Variants in EIF4G3 observed in about 807,000 individuals in gnomAD.
The protein encoded by EIF4G3 is eIF-4-gamma 3.
In EIF4G3, 34 loss-of-function variants were observed where a neutral mutation model predicts 186.4. That is an observed-to-expected ratio of 0.18 (90% CI 0.14 to 0.24). The LOEUF (loss-of-function observed/expected upper bound fraction) is 0.24. Among genes scored for constraint, EIF4G3 ranks in the 10% least tolerant of loss-of-function variants. The pLI, the probability that EIF4G3 is intolerant of heterozygous loss-of-function variation, is 1.00. For missense variants in EIF4G3, 1,536 were observed against 1,948.5 expected (o/e 0.79, Z 3.99); for synonymous variants, 673 against 679.5 (o/e 0.99, Z 0.15).
chr1:21,163,248 C>T (rs745949637), intron 2 of EIF4G3, among the ~76,000 whole-genome samples: 3 of 152,190 alleles, frequency 2.0e-5, no homozygotes, highest in Non-Finnish European at 4.4e-5. Context: ...TTTAAATACA[C>T]TCACTCAGTC....
intron 4 of EIF4G3, among the ~76,000 whole-genome samples, chr1:21,035,634 G>GTT (rs1491580684): frequency 6.6e-6 from 1 of 152,258 alleles, no homozygotes; most frequent in African/African-American, 2.4e-5. Flanking sequence ...CAAACTTTGG[G>GTT]TGCCAAAGAC....
intron 4 of EIF4G3, among the ~76,000 whole-genome samples, chr1:21,008,521 T>G (rs1054587316): frequency 6.6e-6 from 1 of 152,108 alleles, no homozygotes; most frequent in African/African-American, 2.4e-5. Context: ...ATATTTTTAG[T>G]ACAGATGGGG....
chr1:20,909,778 AT>A (rs35293207), intron 14 of EIF4G3, among the ~76,000 whole-genome samples: 1,312 of 129,338 alleles, frequency 0.01, 2 homozygotes, highest in Non-Finnish European at 0.012. Context: ...CAATCTGCTA[AT>A]TTTTTTTTTT....
chr1:21,161,964 G>A (rs1162190691), intron 2 of EIF4G3: 1 of 147,022 alleles, frequency 6.8e-6, no homozygotes, highest in African/African-American at 2.5e-5. Context: ...ACGAAACTCT[G>A]TCTCAAAAAA....
chr1:21,036,463 C>CA (rs377231423), intron 4 of EIF4G3, among the ~76,000 whole-genome samples: 209 of 151,728 alleles, frequency 1.4e-3, no homozygotes, highest in African/African-American at 4.8e-3. Flanking sequence ...AATGTTAGTA[C>CA]AAAAAAAAGA....
Position 20,810,151 on chromosome 1 carries a change from A to G in EIF4G3, c.4744+587T>C, listed in dbSNP as rs1429447867. ...GCCACCACACCTAGCCAATTTTTGT[A>G]TTTTTGTATTTTTTTTTTTTTTGAG... On this transcript the variant is annotated intron_variant, in intron 36 of 36. Transcript: ENST00000602326. This position sits in a 1 kb window ranked among gnomAD's most constrained non-coding sequence, Gnocchi z 4.1. Among the ~76,000 whole-genome samples the G allele has an allele frequency of 6.7e-6, 1 of 148,722 alleles. No homozygotes were observed. Among genetic ancestry groups the G allele is most frequent in the Non-Finnish European group, 1.5e-5 (1 of 67,298 alleles).
In EIF4G3 at chr1:20,870,808, T is replaced by A. The variant is rs113443294; in HGVS notation, c.2623-5546A>T. On this transcript the variant is annotated intron_variant, in intron 20 of 36. Coordinates refer to ENST00000602326, the MANE Select transcript of EIF4G3 (RefSeq NM_001391906.1). ...TGCTTTATTATTCATGAAGGGAGTCTCACAGGCCTCTTCAGTCATTTCCAG... is the reference window on the plus strand; with the variant it reads ...TGCTTTATTATTCATGAAGGGAGTCACACAGGCCTCTTCAGTCATTTCCAG... Among the ~76,000 whole-genome samples, 613 of 152,340 alleles carry A rather than the reference T, an allele frequency of 4.0e-3. 6 individuals are homozygous for A. Among genetic ancestry groups the A allele is most frequent in the African/African-American group, 0.014 (576 of 41,582 alleles).
intron 20 of EIF4G3, among the ~76,000 whole-genome samples, chr1:20,866,661 A>G (rs367949158): frequency 3.7e-4 from 56 of 152,352 alleles, no homozygotes; most frequent in East Asian, 2.5e-3. Context: ...CTTCTCTTAT[A>G]TAAGACCCAG....
intron 2 of EIF4G3, among the ~76,000 whole-genome samples, chr1:21,101,562 GA>G (rs57590306): frequency 2.8e-5 from 1 of 35,372 alleles, no homozygotes; most frequent in Non-Finnish European, 5.3e-5. Context: ...AGGGTCTCAG[GA>G]AAAAAAAAAA....
In EIF4G3 at chr1:21,176,231, T is replaced by TGCTGCC. The variant is rs1553339197; in HGVS notation, c.-329_-328insGGCAGC. On this transcript the variant is annotated 5_prime_UTR_variant, in exon 2 of 37. Transcript: ENST00000602326. ...TGTTCGGGTGAGGAGGGGGGACCGC[T>TGCTGCC]GCCGCCGCCGCCGCCGCCGCCGCCG... is the stretch of plus-strand genomic sequence containing the variant. 25 of 346,400 alleles carry TGCTGCC rather than the reference T, an allele frequency of 7.2e-5. No individual in the cohort carries two copies. The highest frequency in any genetic ancestry group is 5.1e-4 in the South Asian group (6 of 11,706). The allele number at this position is 346,400 out of a possible 1,614,324, so 21.5% of individuals were successfully genotyped here.
chr1:20,954,254 A>G (rs1429571898), intron 12 of EIF4G3, among the ~76,000 whole-genome samples: 3 of 152,116 alleles, frequency 2.0e-5, no homozygotes, highest in Non-Finnish European at 4.4e-5. Flanking sequence ...AAGCAAAACA[A>G]AGGCCAGGCA....
intron 36 of EIF4G3, among the ~76,000 whole-genome samples, chr1:20,809,837 T>C (rs189397691): frequency 1.6e-4 from 25 of 152,368 alleles, no homozygotes; most frequent in Non-Finnish European, 3.1e-4. Context: ...TGGCTCATGA[T>C]TACCATACTC....
intron 3 of EIF4G3, among the ~76,000 whole-genome samples, chr1:21,052,753 G>T (rs941918266): frequency 6.6e-6 from 1 of 152,168 alleles, no homozygotes; most frequent in African/African-American, 2.4e-5. Flanking sequence ...ACTGGTTCTC[G>T]TATTTTTTTG....
intron 4 of EIF4G3, among the ~76,000 whole-genome samples, chr1:21,008,252 A>T (rs1481275676): frequency 6.6e-6 from 1 of 152,264 alleles, no homozygotes; most frequent in Non-Finnish European, 1.5e-5. Flanking sequence ...GCATTAGCAG[A>T]AATCTAGCAC....
At chr1:20,865,572 A>C (rs1044309924) in intron 20 of EIF4G3, among the ~76,000 whole-genome samples, 2 of 152,124 alleles carry the variant, frequency 1.3e-5, no homozygotes, top group East Asian at 1.9e-4. Context: ...AAAAAAAAAA[A>C]AAACTGTGTA....
intron 4 of EIF4G3, among the ~76,000 whole-genome samples, chr1:21,031,476 G>A (rs1363155896): frequency 1.3e-5 from 2 of 151,822 alleles, no homozygotes; most frequent in Non-Finnish European, 1.5e-5. Context: ...GCGGTGAAGG[G>A]CCAGGAGGTT....
intron 29 of EIF4G3, among the ~76,000 whole-genome samples, chr1:20,846,316 T>C (rs1046636063): frequency 1.2e-4 from 19 of 152,170 alleles, no homozygotes; most frequent in African/African-American, 4.3e-4. Flanking sequence ...CAGTACTATG[T>C]TGAATAGGAG....
intron 4 of EIF4G3, among the ~76,000 whole-genome samples, chr1:21,034,629 G>A (rs1401052751): frequency 6.6e-6 from 1 of 152,246 alleles, no homozygotes; most frequent in African/African-American, 2.4e-5. Context: ...CTTAGTGATT[G>A]CAGTGATGGA....
intron 2 of EIF4G3, among the ~76,000 whole-genome samples, chr1:21,109,317 T>G (rs2096674000): frequency 6.6e-6 from 1 of 152,122 alleles, no homozygotes; most frequent in Admixed American, 6.5e-5. Context: ...CCACAATGGA[T>G]CTGAGATAGC....
Sources: gnomAD v4.1 joint callset for allele counts (sites outside exome capture counted in the v4.1 genomes callset) on GRCh38, gnomAD v4.1.1 for gene constraint, Gnocchi (gnomAD v3.1) non-coding constraint, MANE v1.5 for transcripts, NCBI Gene and HGNC (gene_info 2026-07-23, HGNC 2026-07-21) for gene names.